Variants in LRRK1 observed in about 807,000 individuals in gnomAD.
LRRK1 encodes the protein leucine rich repeat kinase 1, also known as leucine-rich repeat serine/threonine-protein kinase 1.
Under a neutral mutation model 209.1 loss-of-function variants are expected in LRRK1, and 113 were observed. The observed-to-expected ratio is 0.54, with a 90% CI of 0.46 to 0.63. The LOEUF (loss-of-function observed/expected upper bound fraction) is 0.63, where lower values mean the gene tolerates loss of function less well. Among genes scored for constraint, LRRK1 ranks in the 30% least tolerant of loss-of-function variants. The probability of loss-of-function intolerance (pLI) is 0.00; values close to 1 mark genes in which losing one functional copy is unlikely to be tolerated. For synonymous variants in LRRK1, 1,144 were observed against 1,099.7 expected, an observed-to-expected ratio of 1.04 and a Z score of -0.80; for missense variants, 2,284 against 2,632.2, an observed-to-expected ratio of 0.87 and a Z score of 2.89.
chr15:100,941,569 C>T (rs1215388681), intron 2 of LRRK1, among the ~76,000 whole-genome samples: 3 of 150,398 alleles, frequency 2.0e-5, no homozygotes, highest in South Asian at 2.1e-4. Flanking sequence ...AGAGGAGTTT[C>T]GTGCTTCTCT....
At position 100,973,910 on chromosome 15, in the gene LRRK1, C is replaced by A; in HGVS notation, c.204C>A (p.Gly68=). 1 of 1,267,302 alleles carries A rather than the reference C, an allele frequency of 7.9e-7. No homozygotes were observed. Among genetic ancestry groups the A allele is most frequent in the South Asian group, 2.9e-5 (1 of 35,060 alleles). The allele number at this position is 1,267,302 out of a possible 1,614,324, so 78.5% of individuals were successfully genotyped here. Residue 68 remains glycine (G), a synonymous_variant, in exon 3 of 34, where the codon GGC becomes GGA. Transcript: ENST00000388948. Reference sequence around the variant, plus strand: ...CCGCGTACAGGCGGGGAGACCGCGGCGGCGCCCGGGACCTGCTGGAGGAGG... The same window carrying A: ...CCGCGTACAGGCGGGGAGACCGCGGAGGCGCCCGGGACCTGCTGGAGGAGG... ...IRAAYRRGDR[G]GARDLLEEAC... is the part of the protein sequence containing the mutation.
At chr15:101,039,686 C>G (rs1030417024) in intron 20 of LRRK1, among the ~76,000 whole-genome samples, 3 of 152,138 alleles carry the variant, frequency 2.0e-5, no homozygotes, top group African/African-American at 7.2e-5. Flanking sequence ...TTCAGTCTTT[C>G]ACCATCAAGT....
intron 29 of LRRK1, among the ~76,000 whole-genome samples, chr15:101,060,110 C>T (rs1440720081): frequency 6.6e-6 from 1 of 152,164 alleles, no homozygotes; most frequent in Non-Finnish European, 1.5e-5. Flanking sequence ...AAGAGAGACT[C>T]ACTCACAGGA....
intron 2 of LRRK1, among the ~76,000 whole-genome samples, chr15:100,950,658 T>A (rs2042626054): frequency 6.6e-6 from 1 of 152,194 alleles, no homozygotes; most frequent in African/African-American, 2.4e-5. Context: ...CTTCATCAGT[T>A]AAAAATTTTT....
chr15:101,006,650 C>T (rs2141688529), intron 6 of LRRK1, among the ~76,000 whole-genome samples: 1 of 152,216 alleles, frequency 6.6e-6, no homozygotes, highest in East Asian at 1.9e-4. Context: ...TATTATTCTT[C>T]AGGGATACAT....
chr15:100,990,655 G>A (rs2032112274), intron 6 of LRRK1, among the ~76,000 whole-genome samples: 1 of 150,020 alleles, frequency 6.7e-6, no homozygotes, highest in Non-Finnish European at 1.5e-5. Context: ...TATGTGAACT[G>A]CCTGTTAATG....
chr15:100,987,072 G>T (rs1222268090), intron 4 of LRRK1, among the ~76,000 whole-genome samples: 1 of 152,146 alleles, frequency 6.6e-6, no homozygotes, highest in Non-Finnish European at 1.5e-5. Flanking sequence ...TGGATTAGGG[G>T]TCACTTATTT....
At chr15:101,028,776 G>C (rs981510900) in intron 19 of LRRK1, among the ~76,000 whole-genome samples, 180 bp from the exon 20 acceptor site, 5 of 152,228 alleles carry the variant, frequency 3.3e-5, no homozygotes, top group Non-Finnish European at 7.3e-5. Context: ...GAGTTACCAG[G>C]GGCCACCAGG....
chr15:101,074,656 G>T lies in LRRK1; in HGVS notation c.*5808G>T, dbSNP rs565936009. ...CCCACAACAGGATTTAATTAACCTT[G>T]CCTTCAAGGTGTACAATAATAGAAA... On this transcript the variant is annotated 3_prime_UTR_variant, in exon 34 of 34. Transcript: ENST00000388948. 1.3e-5 allele frequency: 2 copies of T among 152,034 alleles called. No individual in the cohort carries two copies. The highest frequency in any genetic ancestry group is 1.3e-4 in the Admixed American group (2 of 15,274). The allele number at this position is 152,034 out of a possible 1,614,324, so 9.4% of individuals were successfully genotyped here.
chr15:101,051,932 G>T lies in LRRK1; in HGVS notation c.3661G>T (p.Glu1221Ter). The T allele has an allele frequency of 6.2e-7, 1 of 1,613,876 alleles. No individual in the cohort carries two copies. Among genetic ancestry groups the T allele is most frequent in the Non-Finnish European group, 8.5e-7 (1 of 1,180,020 alleles). ...LPVPLQELVP[E>*]LFMTDFPARL... ...CGTGCCGCTGCAGGAGCTGGTCCCT[G>T]AACTGTTCATGACCGACTTCCCGGC... The change falls in exon 24 of 34, where the codon GAA becomes TAA. Residue 1221 changes from glutamate to a stop codon, truncating the protein, a stop_gained. Coordinates refer to ENST00000388948, the MANE Select transcript of LRRK1 (RefSeq NM_024652.6). LOFTEE classifies it high-confidence loss of function.
At chr15:101,052,329 T>C (rs570434879) in intron 24 of LRRK1, among the ~76,000 whole-genome samples, 101 of 152,258 alleles carry the variant, frequency 6.6e-4, no homozygotes, top group African/African-American at 2.4e-3. Flanking sequence ...GTGCAGCCAG[T>C]GCTCCTCAAG....
chr15:101,012,518 T>G (rs984593231), intron 10 of LRRK1, among the ~76,000 whole-genome samples: 6 of 152,158 alleles, frequency 3.9e-5, no homozygotes, highest in African/African-American at 1.4e-4. Context: ...TTTAGGTGGT[T>G]GGCGGGTCCT....
At chr15:101,054,586 C>A (rs1017660343) in intron 26 of LRRK1, among the ~76,000 whole-genome samples, 1 of 152,164 alleles carries the variant, frequency 6.6e-6, no homozygotes, top group Non-Finnish European at 1.5e-5. Context: ...GCGGGCAGGT[C>A]GCTTAAAGCC....
rs573424056 is a variant in LRRK1, at chr15:101,024,811, C to T, written c.2076C>T (p.Ser692=). The T allele has an allele frequency of 1.0e-4, 165 of 1,613,632 alleles. No homozygotes were observed. The South Asian group carries it at 1.2e-3, about 12-fold the overall frequency. ...RPAGSRAKVE[S]VEFNVWDIGG... ...CCTTGTTGCTCAAGTAGGTTGAGTC[C>T]GTGGAGTTCAACGTCTGGGACATCG... The change falls in exon 16 of 34, where the codon TCC becomes TCT. Residue 692 remains serine (S), a synonymous_variant. Transcript: ENST00000388948. The surrounding 1 kb of genome is among the most constrained non-coding windows in gnomAD (Gnocchi z 4.6).
Position 101,074,100 on chromosome 15 carries a change from A to C in LRRK1, c.*5252A>C. The C allele has an allele frequency of 6.6e-6, 1 of 152,206 alleles. No homozygotes were observed. Among genetic ancestry groups the C allele is most frequent in the Admixed American group, 6.5e-5 (1 of 15,284 alleles). The allele number at this position is 152,206 out of a possible 1,614,324, so 9.4% of individuals were successfully genotyped here. A position where few individuals can be genotyped will look rare whatever the true frequency, so the allele number is the denominator to read the frequency against. ...CTAGTCTCTGTTCCCAGTGCAACTC[A>C]TCCCAAATCTTCCTTCTTTCCCTCC... On this transcript the variant is annotated 3_prime_UTR_variant, in exon 34 of 34. Coordinates refer to ENST00000388948, the MANE Select transcript of LRRK1 (RefSeq NM_024652.6).
At chr15:101,041,490 A>G (rs1014672149) in intron 20 of LRRK1, among the ~76,000 whole-genome samples, 3 of 151,864 alleles carry the variant, frequency 2.0e-5, no homozygotes, top group Non-Finnish European at 2.9e-5. Context: ...TAGTATTTTC[A>G]TGCTCTCTGT....
intron 2 of LRRK1, 83 bp downstream of exon 2, chr15:100,924,812 A>G: frequency 1.0e-6 from 1 of 970,546 alleles, no homozygotes; most frequent in Non-Finnish European, 1.6e-6. Flanking sequence ...TGTAAGAACA[A>G]GGAGTTCTCA....
chr15:101,007,175 C>T (rs1268184441), intron 6 of LRRK1, among the ~76,000 whole-genome samples: 1 of 152,244 alleles, frequency 6.6e-6, no homozygotes, highest in Non-Finnish European at 1.5e-5. Context: ...TGCCCGTCAC[C>T]TGCCGCCAAT....
intron 11 of LRRK1, 22 bp downstream of exon 11, chr15:101,014,450 C>G: frequency 1.3e-6 from 2 of 1,525,430 alleles, no homozygotes; most frequent in Non-Finnish European, 1.8e-6. Flanking sequence ...CCTCTCCTCC[C>G]TGGCCAGTTC....
Sources: allele counts gnomAD v4.1 joint callset (sites outside exome capture counted in the v4.1 genomes callset), GRCh38; gene constraint gnomAD v4.1.1; non-coding constraint Gnocchi (gnomAD v3.1); transcripts MANE v1.5; gene names NCBI Gene and HGNC (gene_info 2026-07-23, HGNC 2026-07-21).